Variants in DNAH12 observed in about 807,000 individuals in gnomAD.
DNAH12 encodes the protein axonemal beta dynein heavy chain 12.
In DNAH12, 285 loss-of-function variants were observed where a neutral mutation model predicts 371.5. The ratio of observed to expected loss-of-function variants is 0.77; its 90% CI spans 0.70 to 0.85. The LOEUF is 0.85. Ranked by LOEUF, DNAH12 falls within the 40% of genes least tolerant of loss-of-function variation. DNAH12 has a pLI of 0.00. For synonymous variants in DNAH12, 1,200 were observed against 1,213.0 expected, an observed-to-expected ratio of 0.99 and a Z score of 0.22; for missense variants, 3,611 against 3,689.4, an observed-to-expected ratio of 0.98 and a Z score of 0.55.
At chr3:57,510,010 G>A (rs543591791) in intron 5 of DNAH12, among the ~76,000 whole-genome samples, 10 of 151,046 alleles carry the variant, frequency 6.6e-5, no homozygotes, top group Non-Finnish European at 1.0e-4. Flanking sequence ...TGAAAAAAAT[G>A]CATCAGTTAA....
rs1398281623 is a variant in DNAH12, at chr3:57,334,796, G to A, written c.9819C>T (p.Ala3273=). ...TAAACAATCACCTGAGTCCTCTGAAGGCAGGAAATTCACTTGCCCGACAGA... is the reference window on the plus strand; with the variant it reads ...TAAACAATCACCTGAGTCCTCTGAAAGCAGGAAATTCACTTGCCCGACAGA... The part of the protein sequence containing the change: ...EEICRASEFP[A]FRGLRQHFCE... Residue 3273 remains alanine, a synonymous_variant, in exon 61 of 74, where the codon GCC becomes GCT. Transcript: ENST00000495027. 6.4e-7 allele frequency: 1 copy of A among 1,551,188 alleles called. No individual in the cohort carries two copies. Among genetic ancestry groups the A allele is most frequent in the Non-Finnish European group, 8.7e-7 (1 of 1,146,910 alleles).
At chr3:57,495,173 T>C (rs570164857) in intron 11 of DNAH12, among the ~76,000 whole-genome samples, 4 of 152,332 alleles carry the variant, frequency 2.6e-5, no homozygotes, top group South Asian at 4.1e-4. Context: ...TTTCAGTAGA[T>C]TGATTGTATA....
chr3:57,487,406 A>AAAG (rs2066968662), intron 12 of DNAH12, among the ~76,000 whole-genome samples: 3 of 96,386 alleles, frequency 3.1e-5, no homozygotes, highest in Admixed American at 1.0e-4. Flanking sequence ...AAAGAAAGAA[A>AAAG]AAAAAGAAAA....
At chr3:57,332,362 G>T (rs2062118579) in intron 62 of DNAH12, among the ~76,000 whole-genome samples, 1 of 152,100 alleles carries the variant, frequency 6.6e-6, no homozygotes, top group Non-Finnish European at 1.5e-5. Context: ...TCTACTTTTA[G>T]CTATGATGTG....
intron 69 of DNAH12, among the ~76,000 whole-genome samples, chr3:57,304,791 T>C (rs2061434646): frequency 6.6e-6 from 1 of 152,026 alleles, no homozygotes. Flanking sequence ...TTTTCTGCTT[T>C]TCTGGAGGGC....
At chr3:57,549,461 G>A in the DNAH12 span, among the ~76,000 whole-genome samples, 2 of 151,276 alleles carry the variant, frequency 1.3e-5, no homozygotes, top group African/African-American at 2.4e-5. Flanking sequence ...AGGTTGCAGT[G>A]AGCCAAGATC....
intron 4 of DNAH12, chr3:57,512,306 A>C (rs1277507308): frequency 6.6e-6 from 1 of 152,202 alleles, no homozygotes; most frequent in Non-Finnish European, 1.5e-5. Flanking sequence ...AAATTTATAG[A>C]AACAGAAAAC....
At chr3:57,419,252 C>T in intron 37 of DNAH12, 115 bp downstream of exon 37, 1 of 1,063,738 alleles carries the variant, frequency 9.4e-7, no homozygotes, top group African/African-American at 1.7e-5. Context: ...CAACAAGTCC[C>T]CCAGGATTTC....
At chr3:57,464,171 CG>C (rs2066134525) in intron 17 of DNAH12, among the ~76,000 whole-genome samples, 1 of 152,032 alleles carries the variant, frequency 6.6e-6, no homozygotes, top group African/African-American at 2.4e-5. Flanking sequence ...CAGGAAGCAA[CG>C]CCAGTGCCTG....
At chr3:57,354,855 T>G (rs1253065658) in intron 59 of DNAH12, among the ~76,000 whole-genome samples, 1 of 152,068 alleles carries the variant, frequency 6.6e-6, no homozygotes, top group African/African-American at 2.4e-5. Flanking sequence ...TTATGCTGAG[T>G]AAAAAAAGCC....
intron 2 of DNAH12, among the ~76,000 whole-genome samples, chr3:57,531,351 A>C (rs1186554218): frequency 2.0e-5 from 3 of 152,150 alleles, no homozygotes; most frequent in African/African-American, 7.2e-5. Context: ...CTTGGCTTGT[A>C]AGGTTTCCAC....
intron 11 of DNAH12, among the ~76,000 whole-genome samples, chr3:57,495,919 ATATT>A (rs1197171533): frequency 7.1e-6 from 1 of 140,366 alleles, no homozygotes; most frequent in South Asian, 2.1e-4. Flanking sequence ...ATATATTTCT[ATATT>A]TATATATATT....
intron 69 of DNAH12, among the ~76,000 whole-genome samples, chr3:57,306,827 C>T (rs2061482075): frequency 6.6e-6 from 1 of 152,120 alleles, no homozygotes; most frequent in African/African-American, 2.4e-5. Flanking sequence ...GGATCTGTGC[C>T]TTATCAACCA....
At chr3:57,541,556 GGGTCTC>G (rs2069286171) in intron 2 of DNAH12, among the ~76,000 whole-genome samples, 2 of 151,508 alleles carry the variant, frequency 1.3e-5, no homozygotes, top group South Asian at 2.1e-4. Context: ...ATAGCGATGA[GGGTCTC>G]ACTACCTTGC....
intron 66 of DNAH12, among the ~76,000 whole-genome samples, chr3:57,313,276 G>T (rs1298815712): frequency 6.6e-6 from 1 of 152,066 alleles, no homozygotes; most frequent in East Asian, 1.9e-4. Flanking sequence ...CTGTAACCCA[G>T]CTTGAGACCA....
At chr3:57,542,160 G>A (rs866075790) in intron 2 of DNAH12, among the ~76,000 whole-genome samples, 5 of 119,336 alleles carry the variant, frequency 4.2e-5, no homozygotes, top group Non-Finnish European at 8.8e-5. Context: ...TAAACTGGGG[G>A]GGGGGGGGGC....
chr3:57,302,555 A>ATGGTTT (rs1559535346), intron 69 of DNAH12, among the ~76,000 whole-genome samples: 2 of 80,984 alleles, frequency 2.5e-5, no homozygotes, highest in African/African-American at 8.9e-5. Flanking sequence ...ATATATATAT[A>ATGGTTT]TATATATATG....
chr3:57,473,618 T>C (rs1204460459), intron 13 of DNAH12, among the ~76,000 whole-genome samples: 1 of 151,776 alleles, frequency 6.6e-6, no homozygotes, highest in Admixed American at 6.6e-5. Flanking sequence ...GTAGTACTAA[T>C]TTTTAAGAAT....
intron 11 of DNAH12, among the ~76,000 whole-genome samples, chr3:57,491,052 A>G (rs553760382): frequency 8.8e-5 from 12 of 136,416 alleles, no homozygotes; most frequent in African/African-American, 2.7e-4. Context: ...ACTGCACTCC[A>G]GCCTGGAAGA....
Sources: gnomAD v4.1 joint callset for allele counts (sites outside exome capture counted in the v4.1 genomes callset) on GRCh38, gnomAD v4.1.1 for gene constraint, MANE v1.5 for transcripts, NCBI Gene and HGNC (gene_info 2026-07-23, HGNC 2026-07-21) for gene names.